The following ROBO1 variants were observed in gnomAD, a reference collection of about 807,000 sequenced individuals.
The protein encoded by ROBO1 is roundabout homolog 1.
In ROBO1, 149 loss-of-function variants were observed where a neutral mutation model predicts 195.9. That is an observed-to-expected ratio of 0.76 (90% CI 0.67 to 0.87). The LOEUF is 0.87. Ranked by LOEUF, ROBO1 falls within the 40% of genes least tolerant of loss-of-function variation. ROBO1 has a pLI of 0.00. For missense variants in ROBO1, 1,933 were observed against 2,068.3 expected (o/e 0.93, Z 1.27); for synonymous variants, 816 against 733.2 (o/e 1.11, Z -1.82).
chr3:79,653,030 T>C (rs959500039), intron 1 of ROBO1, among the ~76,000 whole-genome samples: 1 of 151,818 alleles, frequency 6.6e-6, no homozygotes, highest in Admixed American at 6.6e-5. Flanking sequence ...TTGCTTCACT[T>C]AACCAAAAAA....
rs1940761265 is a variant in ROBO1, at chr3:79,512,531, C to T, written c.88+77293G>A. 3.3e-5 allele frequency among the ~76,000 whole-genome samples: 5 copies of T among 152,168 alleles called. No homozygotes were observed. The South Asian group carries it at 1.0e-3, about 32-fold the overall frequency. On this transcript the variant is annotated intron_variant, in intron 2 of 30. Coordinates refer to ENST00000464233, the MANE Select transcript of ROBO1 (RefSeq NM_002941.4). Reference sequence around the variant, plus strand: ...AGAATTCTTTATGCTATATCTAATTCCTTTTTACATATTCGAGTTGTTACT... The same window carrying T: ...AGAATTCTTTATGCTATATCTAATTTCTTTTTACATATTCGAGTTGTTACT...
At chr3:79,614,598 CT>C (rs1944762520) in intron 1 of ROBO1, among the ~76,000 whole-genome samples, 1 of 151,984 alleles carries the variant, frequency 6.6e-6, no homozygotes, top group African/African-American at 2.4e-5. Flanking sequence ...TATTAAAAAA[CT>C]ATAACTTTTC....
rs552788438 is a variant in ROBO1 at position 79,204,099 on chromosome 3, A to G, written c.89-78560T>C. Among the ~76,000 whole-genome samples, 7 of 152,240 alleles carry G rather than the reference A, an allele frequency of 4.6e-5. No individual in the cohort carries two copies. In the East Asian group the frequency reaches 1.4e-3, roughly 29 times the overall value. ...TAGAACTCTTGTATTTATGTACGAT[A>G]GTTGTACATATTTTTGAGGTAGATA... is the stretch of plus-strand genomic sequence containing the variant. On this transcript the variant is annotated intron_variant, in intron 2 of 30. Transcript: ENST00000464233.
At chr3:78,725,317 A>T (rs1018250018) in intron 5 of ROBO1, among the ~76,000 whole-genome samples, 14 of 152,192 alleles carry the variant, frequency 9.2e-5, no homozygotes, top group Non-Finnish European at 2.1e-4. Context: ...GAAGATAAAG[A>T]ATTTTAAAGT....
intron 8 of ROBO1, among the ~76,000 whole-genome samples, chr3:78,713,867 G>T (rs1300878442): frequency 8.5e-5 from 13 of 152,200 alleles, no homozygotes; most frequent in Non-Finnish European, 1.3e-4. Flanking sequence ...TTGAGTGTTT[G>T]TTATGATGCA....
intron 4 of ROBO1, among the ~76,000 whole-genome samples, chr3:78,846,217 TTC>T (rs1351591802): frequency 1.3e-5 from 2 of 152,136 alleles, no homozygotes; most frequent in Non-Finnish European, 2.9e-5. Flanking sequence ...ACAAGTGAAG[TTC>T]CAGTGGTAAT....
At chr3:79,655,784 A>C (rs569165156) in intron 1 of ROBO1, among the ~76,000 whole-genome samples, 1 of 152,090 alleles carries the variant, frequency 6.6e-6, no homozygotes, top group Non-Finnish European at 1.5e-5. Flanking sequence ...CCGTGGCACT[A>C]TGTTTGACCG....
intron 3 of ROBO1, among the ~76,000 whole-genome samples, chr3:79,017,657 G>T (rs966537526): frequency 6.6e-6 from 1 of 151,390 alleles, no homozygotes; most frequent in Non-Finnish European, 1.5e-5. Flanking sequence ...TATGTCAGAA[G>T]GGCCCCGTTT....
intron 1 of ROBO1, among the ~76,000 whole-genome samples, chr3:79,590,785 A>G (rs1282603557): frequency 6.7e-6 from 1 of 148,464 alleles, no homozygotes; most frequent in Non-Finnish European, 1.5e-5. Flanking sequence ...TTCATGGTAT[A>G]TTTATTTATA....
At chr3:79,239,925 G>T (rs2082481225) in intron 2 of ROBO1, among the ~76,000 whole-genome samples, 1 of 151,978 alleles carries the variant, frequency 6.6e-6, no homozygotes, top group Admixed American at 6.6e-5. Context: ...TATATTTATG[G>T]TGTGCAACAT....
At chr3:79,666,256 A>G (rs1386168945) in intron 1 of ROBO1, among the ~76,000 whole-genome samples, 2 of 151,950 alleles carry the variant, frequency 1.3e-5, no homozygotes, top group African/African-American at 4.8e-5. Flanking sequence ...TTGGGTTTCA[A>G]TGATCAGCCT....
intron 1 of ROBO1, among the ~76,000 whole-genome samples, chr3:79,744,152 G>A (rs1022633080): frequency 3.9e-5 from 6 of 152,072 alleles, no homozygotes; most frequent in Admixed American, 6.5e-5. Context: ...AGTGAGTAAT[G>A]TTATGCTGCA....
intron 3 of ROBO1, among the ~76,000 whole-genome samples, chr3:79,081,273 C>T (rs889773255): frequency 1.3e-5 from 2 of 151,866 alleles, no homozygotes; most frequent in Non-Finnish European, 2.9e-5. Flanking sequence ...TGCTAAGATG[C>T]TGCCATTGCA....
intron 2 of ROBO1, among the ~76,000 whole-genome samples, chr3:79,205,235 C>G (rs2081845431): frequency 1.3e-5 from 2 of 152,128 alleles, no homozygotes. Flanking sequence ...CTCAAGTGAT[C>G]TGCCTTCCTC....
chr3:79,363,398 TA>T (rs1317391147), intron 2 of ROBO1, among the ~76,000 whole-genome samples: 24 of 152,348 alleles, frequency 1.6e-4, no homozygotes, highest in Admixed American at 5.2e-4. Flanking sequence ...ATTTTATCCA[TA>T]TAGGTTTAAA....
intron 3 of ROBO1, among the ~76,000 whole-genome samples, chr3:78,988,582 A>C (rs191443259): frequency 2.0e-3 from 303 of 152,308 alleles, no homozygotes; most frequent in Non-Finnish European, 3.9e-3. Context: ...CAGGAAGAGA[A>C]AATATTTACA....
At chr3:79,176,749 C>T (rs1036135024) in intron 2 of ROBO1, among the ~76,000 whole-genome samples, 38 of 152,152 alleles carry the variant, frequency 2.5e-4, no homozygotes, top group African/African-American at 8.4e-4. Flanking sequence ...TGTGAGCTGC[C>T]GCGCCTAGCC....
In ROBO1 at chr3:79,055,057, T is replaced by C. The variant is rs115798188; in HGVS notation, c.172+70399A>G. On this transcript the variant is annotated intron_variant, in intron 3 of 30. Coordinates refer to ENST00000464233, the MANE Select transcript of ROBO1 (RefSeq NM_002941.4). ...AATTTACTACCTAATTCTTTGCCTT[T>C]AATTTTCCCCATGGGGGTCACTGGC... 7.9e-3 allele frequency among the ~76,000 whole-genome samples: 1,197 copies of C among 152,238 alleles called. 17 individuals carry two copies. Among genetic ancestry groups the C allele is most frequent in the African/African-American group, 0.028 (1,164 of 41,562 alleles).
At chr3:79,438,652 A>T (rs896223426) in intron 2 of ROBO1, among the ~76,000 whole-genome samples, 1 of 151,998 alleles carries the variant, frequency 6.6e-6, no homozygotes, top group Non-Finnish European at 1.5e-5. Context: ...TTTCTATTTC[A>T]TGGAGAGGAA....
Sources: gnomAD v4.1 joint callset for allele counts (sites outside exome capture counted in the v4.1 genomes callset) on GRCh38, gnomAD v4.1.1 for gene constraint, MANE v1.5 for transcripts, NCBI Gene and HGNC (gene_info 2026-07-23, HGNC 2026-07-21) for gene names.